Variants in GALNT18 observed in about 807,000 individuals in gnomAD.
The protein encoded by GALNT18 is GalNAc-transferase 18.
A neutral mutation model predicts 69.5 loss-of-function variants in GALNT18; 44 were observed. The ratio of observed to expected loss-of-function variants is 0.63; its 90% CI spans 0.50 to 0.81. The LOEUF (loss-of-function observed/expected upper bound fraction) is 0.81. GALNT18 is among the 40% of genes least tolerant of loss of function. The pLI, the probability that GALNT18 is intolerant of heterozygous loss-of-function variation, is 0.00. For missense variants in GALNT18, 715 were observed against 810.0 expected, an observed-to-expected ratio of 0.88 and a Z score of 1.42; for synonymous variants, 364 against 318.2, an observed-to-expected ratio of 1.14 and a Z score of -1.53.
intron 3 of GALNT18, among the ~76,000 whole-genome samples, chr11:11,393,937 A>G (rs1444963217): frequency 6.6e-6 from 1 of 152,184 alleles, no homozygotes; most frequent in Non-Finnish European, 1.5e-5. Flanking sequence ...TGTTCCTTTC[A>G]TTCATGTGTT....
At chr11:11,388,675 C>T (rs1854109731) in intron 3 of GALNT18, among the ~76,000 whole-genome samples, 1 of 152,192 alleles carries the variant, frequency 6.6e-6, no homozygotes, top group South Asian at 2.1e-4. Flanking sequence ...AGGTCAGCCC[C>T]AGCGCTGGTC....
Position 11,511,665 on chromosome 11 carries a change from G to A in GALNT18, c.236-62729C>T, listed in dbSNP as rs1326724159. Among the ~76,000 whole-genome samples, 1 of 152,200 alleles carries A rather than the reference G, an allele frequency of 6.6e-6. No individual in the cohort carries two copies. The highest frequency in any genetic ancestry group is 1.5e-5 in the Non-Finnish European group (1 of 68,028). On this transcript the variant is annotated intron_variant, in intron 1 of 10. Transcript: ENST00000227756. This position sits in a 1 kb window ranked among gnomAD's most constrained non-coding sequence, Gnocchi z 4.9. Reference sequence around the variant, plus strand: ...ATCCCCAGTGTGATGATGTTTGAAGGTAGGGCCTTTGGGAGGTGATTGGAT... The same window carrying A: ...ATCCCCAGTGTGATGATGTTTGAAGATAGGGCCTTTGGGAGGTGATTGGAT...
At position 11,604,796 on chromosome 11, in the gene GALNT18, G is replaced by A. The variant is rs996921404; in HGVS notation, c.235+16563C>T. Among the ~76,000 whole-genome samples the A allele has an allele frequency of 1.3e-5, 2 of 152,106 alleles. No homozygotes were observed. Among genetic ancestry groups the A allele is most frequent in the Non-Finnish European group, 1.5e-5 (1 of 68,022 alleles). On this transcript the variant is annotated intron_variant, in intron 1 of 10. Coordinates refer to ENST00000227756, the MANE Select transcript of GALNT18 (RefSeq NM_198516.3). This position sits in a 1 kb window ranked among gnomAD's most constrained non-coding sequence, Gnocchi z 5.6. ...ATTAACTAGCTCAGCCATGCAGGGA[G>A]GCATAATTAGTTTCCCGGCCCATAG...
chr11:11,353,143 C>T (rs781718630), intron 6 of GALNT18: 61 of 1,613,088 alleles, frequency 3.8e-5, no homozygotes, highest in Non-Finnish European at 4.9e-5. Context: ...GCGGACAAAG[C>T]TGGACTTGAT....
intron 1 of GALNT18, among the ~76,000 whole-genome samples, chr11:11,577,518 C>T (rs1448469127): frequency 3.9e-5 from 6 of 152,192 alleles, no homozygotes; most frequent in African/African-American, 1.2e-4. Context: ...CTCCAATTTC[C>T]GTTTTGTTAG....
intron 1 of GALNT18, among the ~76,000 whole-genome samples, chr11:11,462,436 C>A (rs951076071): frequency 6.6e-6 from 1 of 151,858 alleles, no homozygotes; most frequent in South Asian, 2.1e-4. Context: ...GCCACCACAC[C>A]CGGCTAATTT....
chr11:11,531,802 C>T (rs1019487186), intron 1 of GALNT18, among the ~76,000 whole-genome samples: 7 of 152,218 alleles, frequency 4.6e-5, no homozygotes, highest in African/African-American at 1.7e-4. Flanking sequence ...TACTTGCTCC[C>T]TTAACTCTGC....
At chr11:11,283,854 G>A (rs571566826) in intron 10 of GALNT18, among the ~76,000 whole-genome samples, 2 of 152,144 alleles carry the variant, frequency 1.3e-5, no homozygotes, top group Non-Finnish European at 2.9e-5. Context: ...ATTAAATATG[G>A]AAACATCAGC....
chr11:11,311,364 C>A (rs2133029434), intron 9 of GALNT18, among the ~76,000 whole-genome samples: 1 of 152,306 alleles, frequency 6.6e-6, no homozygotes, highest in Non-Finnish European at 1.5e-5. Flanking sequence ...GGAACTCTTG[C>A]AACTTATACT....
intron 3 of GALNT18, among the ~76,000 whole-genome samples, chr11:11,380,143 T>C (rs528695633): frequency 6.6e-6 from 1 of 152,326 alleles, no homozygotes; most frequent in Admixed American, 6.5e-5. Flanking sequence ...ATCCATGCAA[T>C]CCATTCCTTA....
At chr11:11,483,735 T>A (rs7934525) in intron 1 of GALNT18, among the ~76,000 whole-genome samples, 24 of 151,990 alleles carry the variant, frequency 1.6e-4, no homozygotes, top group South Asian at 6.2e-4. Context: ...AAGGCAGCCC[T>A]TGGTGACGCT....
rs1180701052 is a variant in GALNT18 at position 11,515,735 on chromosome 11, G to A, written c.236-66799C>T. ...CAAAGACCTGAACACGGGAAAGGAA[G>A]GAAGCCTTGTGGCTGTCTGGGAGGA... On this transcript the variant is annotated intron_variant, in intron 1 of 10. Coordinates refer to ENST00000227756, the MANE Select transcript of GALNT18 (RefSeq NM_198516.3). 2.6e-5 allele frequency among the ~76,000 whole-genome samples: 4 copies of A among 152,238 alleles called. No individual in the cohort carries two copies. In the South Asian group the frequency reaches 6.2e-4, roughly 24 times the overall value.
In GALNT18 at chr11:11,382,793, T is replaced by G. The variant is rs1440678677; in HGVS notation, c.596-3529A>C. Among the ~76,000 whole-genome samples the G allele has an allele frequency of 6.6e-6, 1 of 152,180 alleles. No homozygotes were observed. Among genetic ancestry groups the G allele is most frequent in the Non-Finnish European group, 1.5e-5 (1 of 68,032 alleles). On this transcript the variant is annotated intron_variant, in intron 3 of 10. Transcript: ENST00000227756. The surrounding 1 kb of genome is among the most constrained non-coding windows in gnomAD (Gnocchi z 4.3). ...TTTTTGAAATTTCTATAAATAACAT[T>G]TAATAAAGTGTCTTGGTGGGTTAGG... is the stretch of plus-strand genomic sequence containing the variant.
At chr11:11,362,637 C>T (rs1029270599) in intron 6 of GALNT18, among the ~76,000 whole-genome samples, 36 of 152,104 alleles carry the variant, frequency 2.4e-4, no homozygotes, top group African/African-American at 8.0e-4. Context: ...CCCTGAAAGG[C>T]CTTTCTCATC....
chr11:11,612,841 G>C (rs1245481276), intron 1 of GALNT18, among the ~76,000 whole-genome samples: 1 of 152,236 alleles, frequency 6.6e-6, no homozygotes, highest in Non-Finnish European at 1.5e-5. Flanking sequence ...GAAGAGTGCA[G>C]ATGCCACTTC....
At chr11:11,522,174 TCTC>T (rs1303390167) in intron 1 of GALNT18, among the ~76,000 whole-genome samples, 5 of 152,252 alleles carry the variant, frequency 3.3e-5, no homozygotes, top group African/African-American at 9.6e-5. Flanking sequence ...GAGGTGCTAC[TCTC>T]CTCCTACCTC....
At chr11:11,455,876 G>C (rs111766897) in intron 1 of GALNT18, among the ~76,000 whole-genome samples, 3,748 of 152,190 alleles carry the variant, frequency 0.025, 149 homozygotes, top group African/African-American at 0.086. Flanking sequence ...ATTGCTTCAG[G>C]CCTGGAGTTT....
intron 1 of GALNT18, among the ~76,000 whole-genome samples, chr11:11,579,953 A>G (rs73413637): frequency 0.061 from 9,252 of 152,170 alleles, 919 homozygotes; most frequent in African/African-American, 0.21. Context: ...AACTCAACAA[A>G]AGATGTGCCC....
At chr11:11,576,550 G>C (rs1858929054) in intron 1 of GALNT18, among the ~76,000 whole-genome samples, 1 of 152,212 alleles carries the variant, frequency 6.6e-6, no homozygotes. Flanking sequence ...TGCAACTTTT[G>C]TGTAACTTTC....
Sources: gnomAD v4.1 joint callset for allele counts (sites outside exome capture counted in the v4.1 genomes callset) on GRCh38, gnomAD v4.1.1 for gene constraint, Gnocchi (gnomAD v3.1) non-coding constraint, MANE v1.5 for transcripts, NCBI Gene and HGNC (gene_info 2026-07-23, HGNC 2026-07-21) for gene names.